Variants in DLG2 observed in about 807,000 individuals in gnomAD.
The protein encoded by DLG2 is discs large MAGUK scaffold protein 2, also known as disks large homolog 2.
DLG2 carries 45 observed loss-of-function variants against 132.5 expected under a neutral mutation model. The ratio of observed to expected loss-of-function variants is 0.34; its 90% CI spans 0.27 to 0.44. DLG2 has a LOEUF of 0.44. Ranked by LOEUF, DLG2 falls within the 20% of genes least tolerant of loss-of-function variation. DLG2 has a pLI of 1.00. For missense variants in DLG2, 1,045 were observed against 1,196.9 expected, an observed-to-expected ratio of 0.87 and a Z score of 1.87; for synonymous variants, 424 against 419.6, an observed-to-expected ratio of 1.01 and a Z score of -0.13.
chr11:84,086,036 C>A (rs562786802), intron 10 of DLG2, among the ~76,000 whole-genome samples: 2 of 152,178 alleles, frequency 1.3e-5, no homozygotes, highest in East Asian at 1.9e-4. Flanking sequence ...GGGTCAAATA[C>A]CTGTTTAGAA....
At chr11:85,487,127 T>A (rs936233182) in intron 3 of DLG2, among the ~76,000 whole-genome samples, 1 of 150,936 alleles carries the variant, frequency 6.6e-6, no homozygotes. Context: ...ACAATGTATA[T>A]ACAAGATATA....
chr11:84,391,498 T>C (rs2098792441), intron 7 of DLG2, among the ~76,000 whole-genome samples: 1 of 152,148 alleles, frequency 6.6e-6, no homozygotes, highest in African/African-American at 2.4e-5. Context: ...CAACCAGTCT[T>C]TATATTACAT....
chr11:84,855,225 T>G (rs565653849), intron 6 of DLG2, among the ~76,000 whole-genome samples: 1 of 152,218 alleles, frequency 6.6e-6, no homozygotes, highest in African/African-American at 2.4e-5. Context: ...ACACTTGGAT[T>G]TAACATCAAG....
At chr11:84,918,189 GT>G (rs1437307555) in intron 6 of DLG2, among the ~76,000 whole-genome samples, 1 of 152,138 alleles carries the variant, frequency 6.6e-6, no homozygotes, top group Non-Finnish European at 1.5e-5. Context: ...CAAGAAAATA[GT>G]TTATAGTTCC....
At chr11:84,508,719 T>G (rs1320974671) in intron 7 of DLG2, among the ~76,000 whole-genome samples, 1 of 152,180 alleles carries the variant, frequency 6.6e-6, no homozygotes, top group African/African-American at 2.4e-5. Context: ...CTTTTTTATT[T>G]ATTTACTTAT....
chr11:84,240,974 C>A (rs977514592), intron 8 of DLG2, among the ~76,000 whole-genome samples: 1 of 152,190 alleles, frequency 6.6e-6, no homozygotes, highest in Non-Finnish European at 1.5e-5. Flanking sequence ...CTCAACCCAA[C>A]CTCATATTAT....
intron 6 of DLG2, among the ~76,000 whole-genome samples, chr11:84,642,333 G>A (rs1366584479): frequency 1.3e-5 from 2 of 151,702 alleles, no homozygotes; most frequent in African/African-American, 2.4e-5. Context: ...CTGCAGCTTT[G>A]TATATACAAA....
chr11:83,821,319 G>A (rs1436413197), intron 17 of DLG2, among the ~76,000 whole-genome samples: 1 of 152,222 alleles, frequency 6.6e-6, no homozygotes, highest in African/African-American at 2.4e-5. Flanking sequence ...CAGCTGTTGA[G>A]AGCGGTCATT....
At chr11:84,829,574 T>C (rs2078762709) in intron 6 of DLG2, among the ~76,000 whole-genome samples, 1 of 151,678 alleles carries the variant, frequency 6.6e-6, no homozygotes, top group South Asian at 2.1e-4. Context: ...GTTAAACAGG[T>C]CTATATTTTA....
chr11:84,784,362 A>T (rs147848331), intron 6 of DLG2, among the ~76,000 whole-genome samples: 28,186 of 140,038 alleles, frequency 0.2, 2,967 homozygotes, highest in Middle Eastern at 0.26. Context: ...ATAAATAAAT[A>T]AATAAATTAA....
chr11:83,462,016 C>G lies in DLG2; in HGVS notation c.2807G>C (p.Gly936Ala). 2 of 1,610,386 alleles carry G rather than the reference C, an allele frequency of 1.2e-6. No homozygotes were observed. Among genetic ancestry groups the G allele is most frequent in the South Asian group, 2.2e-5 (2 of 91,008 alleles). Residue 936 changes from glycine (G) to alanine (A), a missense_variant, in exon 27 of 28, where the codon GGA becomes GCA. This residue lies in a region of DLG2 where 398 missense variants were observed against 543.6 expected (regional missense o/e 0.73). Coordinates refer to ENST00000376104, the MANE Select transcript of DLG2 (RefSeq NM_001142699.3). ...DRAIKLEQEFGEYFTAIVQGD... is the reference protein window; with the variant it reads ...DRAIKLEQEFAEYFTAIVQGD... ...AGTGAACTTACCTGTAAAATATTCTCCAAATTCTTGTTCTAGCTTAATTGC... is the reference window on the plus strand; with the variant it reads ...AGTGAACTTACCTGTAAAATATTCTGCAAATTCTTGTTCTAGCTTAATTGC...
At chr11:84,590,491 T>C (rs1380577925) in intron 6 of DLG2, among the ~76,000 whole-genome samples, 1 of 152,184 alleles carries the variant, frequency 6.6e-6, no homozygotes, top group Non-Finnish European at 1.5e-5. Flanking sequence ...AAACACACAA[T>C]TGTTAATTAA....
chr11:84,691,444 A>G (rs1595847178), intron 6 of DLG2, among the ~76,000 whole-genome samples: 1 of 151,906 alleles, frequency 6.6e-6, no homozygotes, highest in Non-Finnish European at 1.5e-5. Flanking sequence ...ATGAAAAATC[A>G]GTAGAAAAAA....
intron 7 of DLG2, among the ~76,000 whole-genome samples, chr11:84,516,056 T>C (rs969178465): frequency 6.6e-6 from 1 of 150,844 alleles, no homozygotes; most frequent in Non-Finnish European, 1.5e-5. Flanking sequence ...GAGAGCACAA[T>C]ATACAAAAAC....
At chr11:85,081,722 G>T (rs1438988538) in intron 6 of DLG2, among the ~76,000 whole-genome samples, 1 of 152,154 alleles carries the variant, frequency 6.6e-6, no homozygotes, top group Non-Finnish European at 1.5e-5. Context: ...TGGAATTACT[G>T]TGGCTGCTGG....
At chr11:85,313,959 TC>T (rs2152812251) in intron 3 of DLG2, among the ~76,000 whole-genome samples, 1 of 152,004 alleles carries the variant, frequency 6.6e-6, no homozygotes, top group East Asian at 1.9e-4. Flanking sequence ...ATAACACAAC[TC>T]CCTCTGTGTT....
chr11:84,829,146 T>C (rs61897909), intron 6 of DLG2, among the ~76,000 whole-genome samples: 46,575 of 151,458 alleles, frequency 0.31, 7,612 homozygotes, highest in Middle Eastern at 0.34. Context: ...TGGTAGATTA[T>C]TGTAATTCCC....
intron 15 of DLG2, among the ~76,000 whole-genome samples, chr11:83,929,788 C>T (rs900339304): frequency 6.6e-6 from 1 of 151,910 alleles, no homozygotes; most frequent in Non-Finnish European, 1.5e-5. Flanking sequence ...TTTTACGTTC[C>T]GTGTGGTGAG....
chr11:83,851,777 G>T (rs542493616), intron 16 of DLG2, among the ~76,000 whole-genome samples: 1 of 151,800 alleles, frequency 6.6e-6, no homozygotes, highest in Non-Finnish European at 1.5e-5. Flanking sequence ...AAAATTAGCC[G>T]GGCATGGTGG....
Sources: gnomAD v4.1 joint callset for allele counts (sites outside exome capture counted in the v4.1 genomes callset) on GRCh38, gnomAD v4.1.1 for gene constraint, gnomAD v4.1.1 regional missense constraint, MANE v1.5 for transcripts, NCBI Gene and HGNC (gene_info 2026-07-23, HGNC 2026-07-21) for gene names.